LRPPRC: variants seen among roughly 807,000 people sequenced by gnomAD.
The protein encoded by LRPPRC is leucine rich pentatricopeptide repeat containing.
In LRPPRC, 120 loss-of-function variants were observed where a neutral mutation model predicts 180.3. That is an observed-to-expected ratio of 0.67 (90% CI 0.57 to 0.77). The LOEUF is 0.77. Ranked by LOEUF, LRPPRC falls within the 30% of genes least tolerant of loss-of-function variation. The pLI is 0.00. For synonymous variants in LRPPRC, 723 were observed against 600.0 expected, an observed-to-expected ratio of 1.21 and a Z score of -3.00; for missense variants, 2,012 against 1,657.2, an observed-to-expected ratio of 1.21 and a Z score of -3.72.
chr2:43,926,834 G>A (rs972471447), intron 25 of LRPPRC, among the ~76,000 whole-genome samples: 9 of 152,164 alleles, frequency 5.9e-5, no homozygotes, highest in Admixed American at 4.6e-4. Flanking sequence ...GAACTTCACA[G>A]TGATAAAAGT....
chr2:43,994,731 C>T (rs1211782952), intron 1 of LRPPRC, among the ~76,000 whole-genome samples: 1 of 152,190 alleles, frequency 6.6e-6, no homozygotes, highest in Non-Finnish European at 1.5e-5. Context: ...GCACCTATCT[C>T]CCCTTCTCTG....
At chr2:43,948,052 A>T in intron 18 of LRPPRC, 70 bp downstream of exon 18, 1 of 1,086,382 alleles carries the variant, frequency 9.2e-7, no homozygotes, top group Non-Finnish European at 1.4e-6. Context: ...ATCATATTTA[A>T]ATAAAATTTT....
At chr2:43,987,081 A>AG (rs1674558676) in intron 1 of LRPPRC, among the ~76,000 whole-genome samples, 1 of 152,204 alleles carries the variant, frequency 6.6e-6, no homozygotes, top group Non-Finnish European at 1.5e-5. Flanking sequence ...ATGCCGAACC[A>AG]GCCTTGCACA....
chr2:43,948,477 T>G lies in LRPPRC; in HGVS notation c.1777A>C (p.Ser593Arg). Residue 593 changes from serine (S) to arginine (R), a missense_variant, in exon 17 of 38, where the codon AGT (serine) becomes CGT (arginine). Physicochemically the swap from Ser to Arg is moderately radical, Grantham distance 110 (BLOSUM62 -1). Coordinates refer to ENST00000260665, the MANE Select transcript of LRPPRC (RefSeq NM_133259.4). ...TCCTTGGCCTGTACCTCTGAGTCAC[T>G]CATGCTGTCAATCAAGTTATAAAGA... is the stretch of plus-strand genomic sequence containing the variant. The part of the protein sequence containing the change: ...YFLYNLIDSM[S>R]DSEVQAKEEH... The G allele has an allele frequency of 6.2e-7, 1 of 1,611,636 alleles. No individual in the cohort carries two copies. Among genetic ancestry groups the G allele is most frequent in the Non-Finnish European group, 8.5e-7 (1 of 1,177,772 alleles).
rs181022079 is a variant in LRPPRC, at chr2:43,913,859, C to T, written c.3149-1301G>A. On this transcript the variant is annotated intron_variant, in intron 29 of 37. Coordinates refer to ENST00000260665, the MANE Select transcript of LRPPRC (RefSeq NM_133259.4). ...AATATGCAAGAAGAAACTCCACTAT[C>T]ATTTACTGATTATTCCATCAGATAC... Among the ~76,000 whole-genome samples the T allele has an allele frequency of 4.3e-3, 653 of 152,302 alleles. 2 individuals carry two copies. Among genetic ancestry groups the T allele is most frequent in the Non-Finnish European group, 6.3e-3 (426 of 68,014 alleles).
intron 27 of LRPPRC, among the ~76,000 whole-genome samples, chr2:43,921,997 A>G (rs1208889135): frequency 6.6e-6 from 1 of 152,244 alleles, no homozygotes; most frequent in Non-Finnish European, 1.5e-5. Flanking sequence ...AGAAGTGTTC[A>G]GAACATAAGA....
intron 25 of LRPPRC, among the ~76,000 whole-genome samples, chr2:43,928,033 T>C (rs1671952195): frequency 6.6e-6 from 1 of 152,216 alleles, no homozygotes; most frequent in Non-Finnish European, 1.5e-5. Flanking sequence ...GAAAAAACAG[T>C]TAATGTTAAT....
At position 43,914,516 on chromosome 2, in the gene LRPPRC, T is replaced by C. The variant is rs372335991; in HGVS notation, c.3149-1958A>G. On this transcript the variant is annotated intron_variant, in intron 29 of 37. Coordinates refer to ENST00000260665, the MANE Select transcript of LRPPRC (RefSeq NM_133259.4). ...GCCAAAGTAGGAGGATCACTTGAGG[T>C]TGGGAGTTCGACACCAGCCTAGACA... Among the ~76,000 whole-genome samples, 39 of 151,458 alleles carry C rather than the reference T, an allele frequency of 2.6e-4. 1 individual carries two copies. The South Asian group carries it at 7.8e-3, about 30-fold the overall frequency.
chr2:43,987,654 T>C lies in LRPPRC; in HGVS notation c.150-5220A>G, dbSNP rs142039406. ...CTTTACATCCCATCTAGTGAGTGCTTAGATGTCTGAGGCTCTTGATGAACT... is the reference window on the plus strand; with the variant it reads ...CTTTACATCCCATCTAGTGAGTGCTCAGATGTCTGAGGCTCTTGATGAACT... On this transcript the variant is annotated intron_variant, in intron 1 of 37. Transcript: ENST00000260665. Among the ~76,000 whole-genome samples the C allele has an allele frequency of 8.4e-4, 128 of 152,294 alleles. 1 individual carries two copies. Among genetic ancestry groups the C allele is most frequent in the African/African-American group, 3.0e-3 (124 of 41,564 alleles).
rs560021004 is a variant in LRPPRC, at chr2:43,956,751, G to A, written c.1649+634C>T. Among the ~76,000 whole-genome samples, 41 of 152,170 alleles carry A rather than the reference G, an allele frequency of 2.7e-4. 1 individual carries two copies. Among genetic ancestry groups the A allele is most frequent in the African/African-American group, 9.2e-4 (38 of 41,526 alleles). ...CTAAAAATACAAAACTTAGCCAGGCGTGGTGGTGGGCACCGGTAGTCCCAG... is the reference window on the plus strand; with the variant it reads ...CTAAAAATACAAAACTTAGCCAGGCATGGTGGTGGGCACCGGTAGTCCCAG... On this transcript the variant is annotated intron_variant, in intron 14 of 37. Coordinates refer to ENST00000260665, the MANE Select transcript of LRPPRC (RefSeq NM_133259.4).
At chr2:43,974,049 G>A in intron 9 of LRPPRC, 101 bp downstream of exon 9, 1 of 1,280,496 alleles carries the variant, frequency 7.8e-7, no homozygotes, top group Non-Finnish European at 1.1e-6. Flanking sequence ...ACATTGTTAT[G>A]ATGTTTACAA....
At chr2:43,936,523 T>C (rs1183302748) in intron 23 of LRPPRC, among the ~76,000 whole-genome samples, 2 of 152,234 alleles carry the variant, frequency 1.3e-5, no homozygotes, top group Non-Finnish European at 2.9e-5. Flanking sequence ...TTATACTTCC[T>C]GTTAAAGCCT....
chr2:43,904,696 A>T (rs1446995646), intron 31 of LRPPRC: 1 of 98,786 alleles, frequency 1.0e-5, no homozygotes, highest in Non-Finnish European at 2.1e-5. Context: ...CTATCTCAAA[A>T]AAAACAAAAA....
At chr2:43,988,023 C>T (rs1674604015) in intron 1 of LRPPRC, among the ~76,000 whole-genome samples, 1 of 152,060 alleles carries the variant, frequency 6.6e-6, no homozygotes, top group Non-Finnish European at 1.5e-5. Context: ...GTAGGCAGAT[C>T]ACTTGAAGTC....
chr2:43,905,435 G>A (rs1377938618), intron 31 of LRPPRC, among the ~76,000 whole-genome samples: 2 of 152,184 alleles, frequency 1.3e-5, no homozygotes, highest in Non-Finnish European at 2.9e-5. Context: ...CTGAAGAGCT[G>A]TGATTCATCT....
intron 6 of LRPPRC, 52 bp downstream of exon 6, chr2:43,976,091 A>G: frequency 9.8e-7 from 1 of 1,025,106 alleles, no homozygotes. Flanking sequence ...TGACCACTTT[A>G]GCATCTCAGC....
chr2:43,977,418 C>A, intron 3 of LRPPRC, 142 bp from the exon 4 acceptor site: 1 of 649,960 alleles, frequency 1.5e-6, no homozygotes, highest in Non-Finnish European at 2.7e-6. Context: ...GACCTATCTA[C>A]ACAGATACTC....
chr2:43,901,474 T>TAGA lies in LRPPRC; in HGVS notation c.3412_3414dup (p.Ser1138dup). 6.2e-7 allele frequency: 1 copy of TAGA among 1,614,056 alleles called. No individual in the cohort carries two copies. The highest frequency in any genetic ancestry group is 8.5e-7 in the Non-Finnish European group (1 of 1,179,882). The stretch of plus-strand genomic sequence containing the variant: ...TGGATGACACGGGTCACTGCTAACC[T>TAGA]AGAAGGGGTCTGCTGCTGATCCAAT... On this transcript the variant is annotated inframe_insertion, in exon 32 of 38. Coordinates refer to ENST00000260665, the MANE Select transcript of LRPPRC (RefSeq NM_133259.4).
chr2:43,951,786 T>G (rs192061137), intron 14 of LRPPRC, among the ~76,000 whole-genome samples: 1 of 152,308 alleles, frequency 6.6e-6, no homozygotes, highest in Admixed American at 6.5e-5. Flanking sequence ...AGTCTAAATT[T>G]TGTACTTCTA....
Sources: gnomAD v4.1 joint callset for allele counts (sites outside exome capture counted in the v4.1 genomes callset) on GRCh38, gnomAD v4.1.1 for gene constraint, MANE v1.5 for transcripts, NCBI Gene and HGNC (gene_info 2026-07-23, HGNC 2026-07-21) for gene names.